The following ADGRL3 variants were observed in gnomAD, a reference collection of about 807,000 sequenced individuals.
ADGRL3 encodes the protein calcium-independent alpha-latrotoxin receptor 3.
Under a neutral mutation model 153.5 loss-of-function variants are expected in ADGRL3, and 62 were observed. The ratio of observed to expected loss-of-function variants is 0.40; its 90% CI spans 0.33 to 0.50. The LOEUF is 0.50. Among genes scored for constraint, ADGRL3 ranks in the 20% least tolerant of loss-of-function variants. The pLI, the probability that ADGRL3 is intolerant of heterozygous loss-of-function variation, is 0.47. For synonymous variants in ADGRL3, 710 were observed against 672.5 expected, an observed-to-expected ratio of 1.06 and a Z score of -0.86; for missense variants, 1,641 against 1,859.4, an observed-to-expected ratio of 0.88 and a Z score of 2.16.
chr4:61,321,546 T>C (rs1277269744), intron 1 of ADGRL3, among the ~76,000 whole-genome samples: 4 of 151,432 alleles, frequency 2.6e-5, no homozygotes, highest in Admixed American at 6.6e-5. Flanking sequence ...GATTTCATCA[T>C]TGTGGAAACA....
chr4:62,027,535 G>C (rs964564989), intron 21 of ADGRL3, among the ~76,000 whole-genome samples: 7 of 151,854 alleles, frequency 4.6e-5, no homozygotes, highest in Non-Finnish European at 7.4e-5. Flanking sequence ...GTCACTCTCT[G>C]CTTCGTTTAC....
intron 4 of ADGRL3, among the ~76,000 whole-genome samples, chr4:61,533,596 T>C (rs1012695929): frequency 6.6e-6 from 1 of 152,224 alleles, no homozygotes; most frequent in Admixed American, 6.5e-5. Flanking sequence ...CTTTGTTCTC[T>C]GACCTTAGCC....
At chr4:61,916,736 T>G (rs1391934915) in intron 13 of ADGRL3, among the ~76,000 whole-genome samples, 3 of 152,144 alleles carry the variant, frequency 2.0e-5, no homozygotes, top group Admixed American at 2.0e-4. Flanking sequence ...GCAGATCACT[T>G]GAGACCAGGA....
At chr4:61,290,325 GATTA>G (rs2094125318) in intron 1 of ADGRL3, among the ~76,000 whole-genome samples, 1 of 151,992 alleles carries the variant, frequency 6.6e-6, no homozygotes, top group African/African-American at 2.4e-5. Flanking sequence ...TGGTTAGGTT[GATTA>G]ATAAATTAAA....
chr4:61,776,617 ATAT>A (rs1381496682), intron 8 of ADGRL3, among the ~76,000 whole-genome samples: 6 of 152,176 alleles, frequency 3.9e-5, no homozygotes, highest in African/African-American at 7.2e-5. Flanking sequence ...ATATTATTAT[ATAT>A]TATTGCACAA....
intron 21 of ADGRL3, among the ~76,000 whole-genome samples, chr4:62,012,076 G>A (rs1038483200): frequency 6.6e-6 from 1 of 152,084 alleles, no homozygotes; most frequent in Non-Finnish European, 1.5e-5. Context: ...TAAAAAATTT[G>A]TTGTGAGAGA....
At chr4:61,829,264 C>T (rs1297722163) in intron 9 of ADGRL3, among the ~76,000 whole-genome samples, 1 of 152,076 alleles carries the variant, frequency 6.6e-6, no homozygotes, top group African/African-American at 2.4e-5. Flanking sequence ...GATCAGTTGC[C>T]CTATGGAATT....
chr4:61,955,293 A>G (rs780894654), intron 17 of ADGRL3, among the ~76,000 whole-genome samples: 6 of 152,166 alleles, frequency 3.9e-5, no homozygotes, highest in Admixed American at 6.6e-5. Flanking sequence ...ACTTTAAATT[A>G]GACTTACTGA....
intron 5 of ADGRL3, among the ~76,000 whole-genome samples, chr4:61,602,376 G>A (rs2099015738): frequency 6.6e-6 from 1 of 152,060 alleles, no homozygotes; most frequent in African/African-American, 2.4e-5. Flanking sequence ...TCTCATCTGG[G>A]GGTAATTTTG....
chr4:61,272,971 T>C (rs1267441879), intron 1 of ADGRL3, among the ~76,000 whole-genome samples: 2 of 152,164 alleles, frequency 1.3e-5, no homozygotes, highest in African/African-American at 4.8e-5. Flanking sequence ...TCAGTCATGC[T>C]AGCTGTGTGA....
At chr4:61,265,767 G>A (rs750425468) in intron 1 of ADGRL3, among the ~76,000 whole-genome samples, 3 of 151,822 alleles carry the variant, frequency 2.0e-5, no homozygotes, top group Non-Finnish European at 2.9e-5. Flanking sequence ...CAGATAGGAG[G>A]TCCTGGCACA....
rs562226968 is a variant in ADGRL3, at chr4:61,882,567, G to A, written c.1481-10089G>A. On this transcript the variant is annotated intron_variant, in intron 9 of 26. Transcript: ENST00000683033. ...GCTTCCCACACCACCCAGAGTAAAC[G>A]CCAAAGTTCTCACTTTGGCCTGTCA... 1.1e-4 allele frequency among the ~76,000 whole-genome samples: 16 copies of A among 151,930 alleles called. No homozygotes were observed. The South Asian group carries it at 2.1e-3, about 20-fold the overall frequency.
At chr4:61,972,000 G>T (rs2099029753) in intron 17 of ADGRL3, among the ~76,000 whole-genome samples, 1 of 151,856 alleles carries the variant, frequency 6.6e-6, no homozygotes, top group Non-Finnish European at 1.5e-5. Context: ...TTTTTGATGG[G>T]GTTGTTTGTT....
chr4:61,800,562 TGCAAG>T (rs1229212433), intron 8 of ADGRL3, among the ~76,000 whole-genome samples: 8 of 152,188 alleles, frequency 5.3e-5, no homozygotes, highest in Non-Finnish European at 1.0e-4. Flanking sequence ...CTAACCTCAG[TGCAAG>T]TGCTGTCTTA....
chr4:61,289,455 A>G (rs1033444339), intron 1 of ADGRL3, among the ~76,000 whole-genome samples: 3 of 152,026 alleles, frequency 2.0e-5, no homozygotes, highest in African/African-American at 4.8e-5. Context: ...GACTATTAAC[A>G]TACTGCGTAG....
intron 1 of ADGRL3, among the ~76,000 whole-genome samples, chr4:61,216,934 G>C (rs1743069483): frequency 6.6e-6 from 1 of 152,168 alleles, no homozygotes; most frequent in Non-Finnish European, 1.5e-5. Flanking sequence ...TATTATTTGT[G>C]TTAATTTTTC....
intron 4 of ADGRL3, among the ~76,000 whole-genome samples, chr4:61,558,698 T>C (rs2098780566): frequency 6.6e-6 from 1 of 152,068 alleles, no homozygotes. Flanking sequence ...TCTTTCACTA[T>C]ATCTGGCTAT....
intron 2 of ADGRL3, among the ~76,000 whole-genome samples, chr4:61,487,805 C>T (rs2098213720): frequency 6.6e-6 from 1 of 151,924 alleles, no homozygotes; most frequent in Non-Finnish European, 1.5e-5. Context: ...TTCTATCTTA[C>T]CAATTGTATA....
intron 6 of ADGRL3, among the ~76,000 whole-genome samples, chr4:61,694,091 A>G (rs986183456): frequency 6.6e-6 from 1 of 150,934 alleles, no homozygotes; most frequent in Admixed American, 6.6e-5. Context: ...AAAACAGTGT[A>G]TCTTCTATAT....
Sources: allele counts gnomAD v4.1 joint callset (sites outside exome capture counted in the v4.1 genomes callset), GRCh38; gene constraint gnomAD v4.1.1; transcripts MANE v1.5; gene names NCBI Gene and HGNC (gene_info 2026-07-23, HGNC 2026-07-21).